The following MARK4 variants were observed in gnomAD, a reference collection of about 807,000 sequenced individuals.
The protein encoded by MARK4 is MAP/microtubule affinity-regulating kinase 4.
In MARK4, 19 loss-of-function variants were observed where a neutral mutation model predicts 81.5. The observed-to-expected ratio is 0.23, with a 90% CI of 0.16 to 0.34. MARK4 has a LOEUF of 0.34. Among genes scored for constraint, MARK4 ranks in the 10% least tolerant of loss-of-function variants. The probability of loss-of-function intolerance (pLI) is 1.00; values close to 1 mark genes in which losing one functional copy is unlikely to be tolerated. For missense variants in MARK4, 772 were observed against 1,058.8 expected (o/e 0.73, Z 3.76); for synonymous variants, 436 against 439.0 (o/e 0.99, Z 0.08).
intron 7 of MARK4, among the ~76,000 whole-genome samples, chr19:45,270,330 C>G (rs1457981503): frequency 6.6e-6 from 1 of 152,152 alleles, no homozygotes; most frequent in East Asian, 1.9e-4. Context: ...CTGGAATTCT[C>G]CGAGAGTCTG....
At chr19:45,260,240 A>G (rs1970363771) in intron 2 of MARK4, among the ~76,000 whole-genome samples, 1 of 148,436 alleles carries the variant, frequency 6.7e-6, no homozygotes, top group Non-Finnish European at 1.5e-5. Context: ...AAATATAAAG[A>G]TTAGCTTGGT....
At chr19:45,299,754 C>T (rs1970941965) in intron 15 of MARK4, 57 bp from the exon 16 acceptor site, 11 of 1,492,236 alleles carry the variant, frequency 7.4e-6, no homozygotes, top group East Asian at 2.5e-5. Context: ...CAGTGGGTTG[C>T]GGGAGGTGGG....
chr19:45,269,984 C>T lies in MARK4; in HGVS notation c.550-1488C>T, dbSNP rs545170201. ...CTGGGATTACAGGCACCCGCCACCA[C>T]GCCTGGCTAATTTTTGTATTTTCAG... On this transcript the variant is annotated intron_variant, in intron 7 of 16. Coordinates refer to ENST00000262891, the MANE Select transcript of MARK4 (RefSeq NM_001199867.2). 3.9e-5 allele frequency among the ~76,000 whole-genome samples: 6 copies of T among 152,188 alleles called. 1 individual carries two copies. In the South Asian group the frequency reaches 1.2e-3, roughly 32 times the overall value.
Position 45,302,905 on chromosome 19 carries a change from G to C in MARK4, c.*195G>C, listed in dbSNP as rs546811320. On this transcript the variant is annotated 3_prime_UTR_variant, in exon 17 of 17. Transcript: ENST00000262891. The surrounding 1 kb of genome is among the most constrained non-coding windows in gnomAD (Gnocchi z 4.9). ...CAGAAGAAGGATGAGGGGGCTCAGC[G>C]GGGGGAGCTGGCACCTTCCTGGAGC... 2.3e-5 allele frequency: 12 copies of C among 531,354 alleles called. No homozygotes were observed. Among genetic ancestry groups the C allele is most frequent in the Non-Finnish European group, 3.3e-5 (11 of 333,878 alleles). 32.9% of individuals were successfully genotyped at this position (531,354 alleles called of 1,614,324 possible). A position where few individuals can be genotyped will look rare whatever the true frequency, so the allele number is the denominator to read the frequency against.
At chr19:45,295,121 A>G (rs344809) in intron 14 of MARK4, among the ~76,000 whole-genome samples, 104,077 of 151,348 alleles carry the variant, frequency 0.69, 37,151 homozygotes, top group African/African-American at 0.82. Flanking sequence ...AGGCTGAGGC[A>G]GGTGGATCAA....
intron 16 of MARK4, among the ~76,000 whole-genome samples, chr19:45,300,269 C>T (rs997149459): frequency 1.4e-5 from 2 of 139,200 alleles, no homozygotes; most frequent in African/African-American, 5.3e-5. Flanking sequence ...CGCTTGAACC[C>T]GGGAGGCAGA....
intron 14 of MARK4, 29 bp from the exon 15 acceptor site, chr19:45,297,647 C>A: frequency 2.7e-6 from 4 of 1,472,038 alleles, no homozygotes; most frequent in Non-Finnish European, 3.6e-6. Flanking sequence ...CTCAGTCCCC[C>A]ACCCTGACTT....
rs537733136 is a variant in MARK4, at chr19:45,276,003, C to T, written c.787-1920C>T. 1.7e-4 allele frequency among the ~76,000 whole-genome samples: 26 copies of T among 152,218 alleles called. 1 individual carries two copies. The South Asian group carries it at 5.4e-3, about 32-fold the overall frequency. ...CCCCCAACGCTCAATTCATTCCTAC[C>T]TGTTTTCTGCCTCCCTTCGTTTTTT... On this transcript the variant is annotated intron_variant, in intron 8 of 16. Transcript: ENST00000262891.
intron 13 of MARK4, among the ~76,000 whole-genome samples, chr19:45,293,129 TGTG>T (rs1424910980): frequency 6.6e-6 from 1 of 152,012 alleles, no homozygotes; most frequent in Non-Finnish European, 1.5e-5. Flanking sequence ...ATTAGCTGGA[TGTG>T]GTGGTCCACA....
intron 14 of MARK4, 28 bp downstream of exon 14, chr19:45,294,480 G>A (rs865794668): frequency 1.3e-6 from 2 of 1,598,758 alleles, no homozygotes; most frequent in African/African-American, 1.3e-5. Context: ...ACAGGGTGAG[G>A]GGTGGGAAGT....
chr19:45,290,147 C>T (rs1228369224), intron 13 of MARK4, among the ~76,000 whole-genome samples: 3 of 152,252 alleles, frequency 2.0e-5, no homozygotes, highest in Non-Finnish European at 4.4e-5. Context: ...TTTTCTCGTA[C>T]GTTCTTGAGA....
At chr19:45,261,512 G>A (rs535542970) in intron 2 of MARK4, among the ~76,000 whole-genome samples, 42 of 152,314 alleles carry the variant, frequency 2.8e-4, no homozygotes, top group South Asian at 2.1e-4. Flanking sequence ...AAACACATTC[G>A]TGAGAATATG....
rs1015930575 is a variant in MARK4, at chr19:45,297,672, A to G, written c.1599-4A>G. On this transcript the variant is annotated splice_region_variant and splice_polypyrimidine_tract_variant and intron_variant, in intron 14 of 16. Coordinates refer to ENST00000262891, the MANE Select transcript of MARK4 (RefSeq NM_001199867.2). ...CACCCTGACTTGTCTGTCTCTGCCC[A>G]CAGCTCAGGCACCCCACGGGTGCCC... 1 of 1,516,262 alleles carries G rather than the reference A, an allele frequency of 6.6e-7. No individual in the cohort carries two copies. 93.9% of individuals were successfully genotyped at this position (1,516,262 alleles called of 1,614,324 possible).
Position 45,287,490 on chromosome 19 carries a change from G to A in MARK4, c.1320G>A (p.Thr440=), listed in dbSNP as rs112982501. ...CCCTGCACCCCAAACGCAGCCCGAC[G>A]AGCACGGGGGAGGCGGAGCTGAAGG... ...PAPLHPKRSP[T]STGEAELKEE... The change falls in exon 13 of 17, where the codon ACG becomes ACA. Residue 440 remains threonine (T), a synonymous_variant. Coordinates refer to ENST00000262891, the MANE Select transcript of MARK4 (RefSeq NM_001199867.2). The A allele has an allele frequency of 1.3e-5, 20 of 1,507,502 alleles. No homozygotes were observed. The highest frequency in any genetic ancestry group is 3.9e-5 in the South Asian group (3 of 77,222). The allele number at this position is 1,507,502 out of a possible 1,614,324, so 93.4% of individuals were successfully genotyped here.
chr19:45,264,642 C>A, intron 4 of MARK4, 42 bp from the exon 5 acceptor site: 1 of 1,588,658 alleles, frequency 6.3e-7, no homozygotes. Flanking sequence ...TTAGGAGGGG[C>A]CCTTTCTCCC....
chr19:45,280,874 C>A, intron 12 of MARK4, 140 bp downstream of exon 12: 1 of 1,249,672 alleles, frequency 8.0e-7, no homozygotes, highest in Non-Finnish European at 1.1e-6. Context: ...CTTATAAAGA[C>A]ACAGGGCATT....
At chr19:45,286,438 G>A (rs956211435) in intron 12 of MARK4, among the ~76,000 whole-genome samples, 4 of 150,612 alleles carry the variant, frequency 2.7e-5, no homozygotes, top group Non-Finnish European at 5.9e-5. Flanking sequence ...GACCGGGTGC[G>A]GTGGCTCACG....
chr19:45,293,496 G>C (rs1363853842), intron 13 of MARK4, among the ~76,000 whole-genome samples: 1 of 152,172 alleles, frequency 6.6e-6, no homozygotes, highest in Non-Finnish European at 1.5e-5. Flanking sequence ...GACACAAGAA[G>C]AAATAGAAAA....
intron 8 of MARK4, among the ~76,000 whole-genome samples, chr19:45,273,899 A>G (rs1175615823): frequency 6.6e-6 from 1 of 152,262 alleles, no homozygotes; most frequent in Non-Finnish European, 1.5e-5. Context: ...CCTTGGCCAA[A>G]TAGCCAACCC....
Sources: allele counts gnomAD v4.1 joint callset (sites outside exome capture counted in the v4.1 genomes callset), GRCh38; gene constraint gnomAD v4.1.1; non-coding constraint Gnocchi (gnomAD v3.1); transcripts MANE v1.5; gene names NCBI Gene and HGNC (gene_info 2026-07-23, HGNC 2026-07-21).